SMCO2: variants seen among roughly 807,000 people sequenced by gnomAD.
SMCO2 encodes the protein single-pass membrane and coiled-coil domain-containing protein 2.
SMCO2 carries 25 observed loss-of-function variants against 29.5 expected under a neutral mutation model. The observed-to-expected ratio is 0.85, with a 90% CI of 0.62 to 1.18. SMCO2 has a LOEUF of 1.18. SMCO2 is among the 50% of genes most tolerant of loss of function. The pLI, the probability that SMCO2 is intolerant of heterozygous loss-of-function variation, is 0.00. For missense variants in SMCO2, 348 were observed against 344.5 expected (o/e 1.01, Z -0.08); for synonymous variants, 117 against 123.3 (o/e 0.95, Z 0.34).
the SMCO2 span, among the ~76,000 whole-genome samples, chr12:27,460,186 T>A: frequency 6.6e-6 from 1 of 152,228 alleles, no homozygotes; most frequent in Non-Finnish European, 1.5e-5. Flanking sequence ...ATGAGACTAT[T>A]TTGAGAATTA....
At chr12:27,458,053 A>C in the SMCO2 span, among the ~76,000 whole-genome samples, 1 of 152,190 alleles carries the variant, frequency 6.6e-6, no homozygotes, top group East Asian at 1.9e-4. Flanking sequence ...GTCTGAGAAA[A>C]GGTTTTGTAT....
the SMCO2 span, among the ~76,000 whole-genome samples, chr12:27,436,853 C>G: frequency 6.6e-6 from 1 of 152,142 alleles, no homozygotes; most frequent in Admixed American, 6.5e-5. Context: ...ATTTATGAAG[C>G]CAGTTGTCTT....
Position 27,472,825 on chromosome 12 carries a change from G to C in SMCO2, c.184G>C (p.Asp62His), listed in dbSNP as rs571142111. 14 of 1,550,846 alleles carry C rather than the reference G, an allele frequency of 9.0e-6. No homozygotes were observed. The highest frequency in any genetic ancestry group is 1.7e-4 in the Middle Eastern group (1 of 5,990). Residue 62 changes from aspartate (D) to histidine (H), a missense_variant, in exon 3 of 8, where the codon GAT becomes CAT. Transcript: ENST00000298876. ...GGACCACATCTTAGACAGATCGGAT[G>C]ATGAGGATGACATTTCCTCCGAAAA...
chr12:27,447,651 G>T, the SMCO2 span, among the ~76,000 whole-genome samples: 2 of 151,490 alleles, frequency 1.3e-5, no homozygotes, highest in Non-Finnish European at 2.9e-5. Context: ...CCAACTACTC[G>T]GGAGGCTAAG....
the SMCO2 span, among the ~76,000 whole-genome samples, chr12:27,426,098 A>G: frequency 6.6e-6 from 1 of 152,072 alleles, no homozygotes; most frequent in African/African-American, 2.4e-5. Flanking sequence ...TCCCATGGGG[A>G]TCTTCCAACA....
the SMCO2 span, among the ~76,000 whole-genome samples, chr12:27,450,028 T>C: frequency 6.6e-6 from 1 of 152,184 alleles, no homozygotes; most frequent in Non-Finnish European, 1.5e-5. Context: ...CCAATCATAA[T>C]TGTCTCCTCT....
At chr12:27,474,887 G>T in exon 4 of SMCO2, 1 of 1,551,340 alleles carries the variant, frequency 6.4e-7, no homozygotes, top group Non-Finnish European at 8.7e-7. Context: ...CATCTCTGCA[G>T]TTTTCAAAGA....
At chr12:27,431,373 C>T in the SMCO2 span, among the ~76,000 whole-genome samples, 1 of 152,166 alleles carries the variant, frequency 6.6e-6, no homozygotes, top group Admixed American at 6.5e-5. Context: ...TGTTGTTTTG[C>T]AACAGATCTC....
chr12:27,496,261 C>T (rs1943001577), intron 7 of SMCO2, among the ~76,000 whole-genome samples: 1 of 150,130 alleles, frequency 6.7e-6, no homozygotes, highest in Non-Finnish European at 1.5e-5. Flanking sequence ...TAAGTCAACA[C>T]TTTAATTTTA....
intron 2 of SMCO2, among the ~76,000 whole-genome samples, chr12:27,471,273 T>C (rs769583290): frequency 6.6e-6 from 1 of 152,202 alleles, no homozygotes; most frequent in Non-Finnish European, 1.5e-5. Context: ...CTTAAATGCA[T>C]TTATAATTTA....
chr12:27,451,806 A>G, the SMCO2 span, among the ~76,000 whole-genome samples: 1 of 152,240 alleles, frequency 6.6e-6, no homozygotes, highest in Admixed American at 6.5e-5. Flanking sequence ...TCAGTGAGGA[A>G]TAATGAGAAC....
At chr12:27,461,894 C>T (rs1285058863), upstream of SMCO2, among the ~76,000 whole-genome samples, 1 of 152,162 alleles carries the variant, frequency 6.6e-6, no homozygotes, top group Non-Finnish European at 1.5e-5. Flanking sequence ...TCCAGGCTAC[C>T]CTTCTGTAGG....
exon 2 of SMCO2, chr12:27,470,723 G>A (rs1259653253): frequency 2.6e-6 from 4 of 1,550,910 alleles, no homozygotes; most frequent in Non-Finnish European, 3.5e-6. Context: ...AAAAACAATG[G>A]CTTTTTCCAA....
At chr12:27,475,674 C>A (rs117144045) in intron 4 of SMCO2, 2 of 1,547,364 alleles carry the variant, frequency 1.3e-6, no homozygotes, top group Middle Eastern at 1.7e-4. Context: ...ATAGACGGAA[C>A]GGAGAAAATT....
At chr12:27,432,432 A>G in the SMCO2 span, among the ~76,000 whole-genome samples, 2 of 152,232 alleles carry the variant, frequency 1.3e-5, no homozygotes, top group Admixed American at 6.5e-5. Context: ...ATTTCTTGAA[A>G]TATGTAGTAT....
intron 5 of SMCO2, among the ~76,000 whole-genome samples, chr12:27,492,866 T>C (rs925544260): frequency 6.6e-6 from 1 of 152,054 alleles, no homozygotes; most frequent in Non-Finnish European, 1.5e-5. Flanking sequence ...CACTCTACCA[T>C]AAAGACACAT....
At chr12:27,491,710 CT>C (rs370875488) in intron 5 of SMCO2, among the ~76,000 whole-genome samples, 305 of 143,446 alleles carry the variant, frequency 2.1e-3, no homozygotes, top group Admixed American at 2.7e-3. Context: ...ATATATAGAT[CT>C]TTTTTTTTTT....
At chr12:27,462,360 A>G (rs1949465248), upstream of SMCO2, among the ~76,000 whole-genome samples, 1 of 151,898 alleles carries the variant, frequency 6.6e-6, no homozygotes, top group South Asian at 2.1e-4. Context: ...CTTTCTTTGA[A>G]CTCAATTTCC....
chr12:27,483,062 C>T (rs1042589619), intron 4 of SMCO2, among the ~76,000 whole-genome samples: 4 of 152,130 alleles, frequency 2.6e-5, no homozygotes, highest in Non-Finnish European at 4.4e-5. Context: ...TGTTCTATGG[C>T]GCTGAATATG....
Sources: gnomAD v4.1 joint callset for allele counts (sites outside exome capture counted in the v4.1 genomes callset) on GRCh38, gnomAD v4.1.1 for gene constraint, MANE v1.5 for transcripts, NCBI Gene and HGNC (gene_info 2026-07-23, HGNC 2026-07-21) for gene names.